AMPH: variants seen among roughly 807,000 people sequenced by gnomAD.
AMPH encodes amphiphysin (Stiff-Mann syndrome with breast cancer 128kD autoantigen).
A neutral mutation model predicts 99.1 loss-of-function variants in AMPH; 49 were observed. The observed-to-expected ratio is 0.49, with a 90% CI of 0.39 to 0.63. The LOEUF (loss-of-function observed/expected upper bound fraction) is 0.63, where lower values mean the gene tolerates loss of function less well. Among genes scored for constraint, AMPH ranks in the 20% least tolerant of loss-of-function variants. The pLI is 0.00. For missense variants in AMPH, 759 were observed against 863.4 expected (o/e 0.88, Z 1.52); for synonymous variants, 314 against 317.3 (o/e 0.99, Z 0.11).
intron 1 of AMPH, among the ~76,000 whole-genome samples, chr7:38,538,537 G>A (rs1344938306): frequency 6.6e-6 from 1 of 152,204 alleles, no homozygotes; most frequent in Non-Finnish European, 1.5e-5. Flanking sequence ...AGACCATGGA[G>A]AGCCAATGAA....
At chr7:38,571,775 G>T (rs908984503) in intron 1 of AMPH, among the ~76,000 whole-genome samples, 2 of 151,952 alleles carry the variant, frequency 1.3e-5, no homozygotes, top group African/African-American at 2.4e-5. Context: ...TAGCTTAAGT[G>T]TACAGTGTTT....
intron 12 of AMPH, among the ~76,000 whole-genome samples, chr7:38,432,587 TACACACACACACACACACAC>T (rs10556315): frequency 2.0e-5 from 3 of 148,064 alleles, no homozygotes; most frequent in African/African-American, 7.5e-5. Flanking sequence ...GTTATTTTAA[TACACACACACACACACACAC>T]ACACACACAC....
At chr7:38,460,754 T>C (rs1237388538) in intron 11 of AMPH, among the ~76,000 whole-genome samples, 1 of 152,118 alleles carries the variant, frequency 6.6e-6, no homozygotes, top group Non-Finnish European at 1.5e-5. Context: ...GATGCAAACA[T>C]ACAGTTAGAT....
chr7:38,548,854 C>T (rs376737440), intron 1 of AMPH, among the ~76,000 whole-genome samples: 1 of 152,138 alleles, frequency 6.6e-6, no homozygotes, highest in East Asian at 1.9e-4. Context: ...GGCTGCCTCA[C>T]CCTAATCTTT....
intron 13 of AMPH, among the ~76,000 whole-genome samples, chr7:38,430,468 G>A (rs1317246087): frequency 6.6e-6 from 1 of 152,210 alleles, no homozygotes; most frequent in Non-Finnish European, 1.5e-5. Context: ...TCAGAAAGCT[G>A]TTGTTTTGCA....
chr7:38,489,596 T>G (rs1422649118), intron 5 of AMPH, among the ~76,000 whole-genome samples: 1 of 151,946 alleles, frequency 6.6e-6, no homozygotes, highest in Non-Finnish European at 1.5e-5. Context: ...GCTATAGAAA[T>G]GGAGAAAAGA....
chr7:38,422,383 T>G, intron 16 of AMPH, 38 bp downstream of exon 16: 6 of 1,564,214 alleles, frequency 3.8e-6, no homozygotes, highest in Non-Finnish European at 5.3e-6. Flanking sequence ...CAGTGATAAC[T>G]AACAACTTCC....
chr7:38,419,981 AT>A (rs1425391717), intron 16 of AMPH, among the ~76,000 whole-genome samples: 3 of 152,220 alleles, frequency 2.0e-5, no homozygotes, highest in Non-Finnish European at 4.4e-5. Context: ...AGCTAGGGTG[AT>A]TTTATAAATG....
At chr7:38,533,762 C>A (rs1047241827) in intron 2 of AMPH, among the ~76,000 whole-genome samples, 2 of 152,152 alleles carry the variant, frequency 1.3e-5, no homozygotes, top group Non-Finnish European at 2.9e-5. Flanking sequence ...CATAATCTGA[C>A]TTTATAATGC....
At chr7:38,529,630 T>C (rs143793309) in intron 2 of AMPH, among the ~76,000 whole-genome samples, 5 of 152,236 alleles carry the variant, frequency 3.3e-5, no homozygotes, top group African/African-American at 1.2e-4. Flanking sequence ...GGATGCTGTG[T>C]AGGGCAACTG....
At chr7:38,585,722 T>C (rs1792621352) in intron 1 of AMPH, among the ~76,000 whole-genome samples, 1 of 152,250 alleles carries the variant, frequency 6.6e-6, no homozygotes, top group South Asian at 2.1e-4. Flanking sequence ...CTACTCTTAA[T>C]AGGCTATTTA....
intron 2 of AMPH, among the ~76,000 whole-genome samples, chr7:38,517,238 A>T (rs1584194038): frequency 6.6e-6 from 1 of 152,322 alleles, no homozygotes; most frequent in East Asian, 1.9e-4. Flanking sequence ...TCCCCACTCA[A>T]ATTTCATGTC....
intron 1 of AMPH, among the ~76,000 whole-genome samples, chr7:38,630,319 G>C (rs539276403): frequency 1.2e-4 from 18 of 152,226 alleles, no homozygotes; most frequent in Non-Finnish European, 2.4e-4. Context: ...AAGACCTCAG[G>C]GCCGTCATAT....
At chr7:38,390,961 CA>C (rs1784470005) in intron 19 of AMPH, among the ~76,000 whole-genome samples, 1 of 129,206 alleles carries the variant, frequency 7.7e-6, no homozygotes, top group African/African-American at 2.8e-5. Context: ...GAGACAAAGA[CA>C]GAGAGAGAGA....
At chr7:38,567,645 T>C (rs1791795172) in intron 1 of AMPH, among the ~76,000 whole-genome samples, 1 of 152,230 alleles carries the variant, frequency 6.6e-6, no homozygotes, top group South Asian at 2.1e-4. Flanking sequence ...TTTCTGCCCA[T>C]GCAGAAATAT....
chr7:38,508,336 T>C (rs1789410394), intron 2 of AMPH, among the ~76,000 whole-genome samples: 1 of 152,176 alleles, frequency 6.6e-6, no homozygotes, highest in South Asian at 2.1e-4. Flanking sequence ...GGAAAATATC[T>C]CAAAGCAATA....
At chr7:38,487,252 A>G (rs1190630206) in intron 5 of AMPH, among the ~76,000 whole-genome samples, 1 of 152,264 alleles carries the variant, frequency 6.6e-6, no homozygotes, top group East Asian at 1.9e-4. Context: ...GTCTTTCATC[A>G]TACTACCTGA....
intron 5 of AMPH, among the ~76,000 whole-genome samples, chr7:38,489,099 CA>C (rs1788622393): frequency 6.6e-6 from 1 of 152,060 alleles, no homozygotes; most frequent in Non-Finnish European, 1.5e-5. Context: ...AAATTTGTTA[CA>C]AACCTCAGTA....
chr7:38,563,441 A>G (rs1255080083), intron 1 of AMPH, among the ~76,000 whole-genome samples: 1 of 152,190 alleles, frequency 6.6e-6, no homozygotes, highest in East Asian at 1.9e-4. Flanking sequence ...CTAGGAGGCT[A>G]TGAGCTCCAC....
Sources: allele counts gnomAD v4.1 joint callset (sites outside exome capture counted in the v4.1 genomes callset), GRCh38; gene constraint gnomAD v4.1.1; transcripts MANE v1.5; gene names NCBI Gene and HGNC (gene_info 2026-07-23, HGNC 2026-07-21).